The following NRXN3 variants were observed in gnomAD, a reference collection of about 807,000 sequenced individuals.
The protein encoded by NRXN3 is neurexin III.
A neutral mutation model predicts 137.6 loss-of-function variants in NRXN3; 32 were observed. The ratio of observed to expected loss-of-function variants is 0.23; its 90% CI spans 0.18 to 0.31. The LOEUF (loss-of-function observed/expected upper bound fraction) is 0.31. Among genes scored for constraint, NRXN3 ranks in the 10% least tolerant of loss-of-function variants. NRXN3 has a pLI of 1.00. For synonymous variants in NRXN3, 798 were observed against 784.5 expected (o/e 1.02, Z -0.29); for missense variants, 1,574 against 2,062.5 (o/e 0.76, Z 4.59).
rs568397351 is a variant in NRXN3 at position 79,757,474 on chromosome 14, T to C, written c.4015-47638T>C. On this transcript the variant is annotated intron_variant, in intron 19 of 20. Transcript: ENST00000335750. ...AGACCAAGCAAAATTAATGGTGATATTATATCTGGTGAAATTATTATAAAT... is the reference window on the plus strand; with the variant it reads ...AGACCAAGCAAAATTAATGGTGATACTATATCTGGTGAAATTATTATAAAT... 4.6e-5 allele frequency among the ~76,000 whole-genome samples: 7 copies of C among 152,294 alleles called. No homozygotes were observed. In the South Asian group the frequency reaches 8.3e-4, roughly 18 times the overall value.
At chr14:78,224,282 A>G (rs1596079715) in intron 1 of NRXN3, among the ~76,000 whole-genome samples, 1 of 149,260 alleles carries the variant, frequency 6.7e-6, no homozygotes, top group African/African-American at 2.5e-5. Flanking sequence ...GTTTTATTTT[A>G]TTATTATTAT....
intron 4 of NRXN3, among the ~76,000 whole-genome samples, chr14:78,532,270 A>G (rs1317173526): frequency 6.6e-6 from 1 of 151,822 alleles, no homozygotes; most frequent in Non-Finnish European, 1.5e-5. Flanking sequence ...CTGGTGAGCC[A>G]AGATCGCGCC....
chr14:79,622,797 C>T (rs974986639), intron 16 of NRXN3, among the ~76,000 whole-genome samples: 6 of 152,034 alleles, frequency 3.9e-5, no homozygotes, highest in African/African-American at 7.2e-5. Context: ...GGGGTTTCAC[C>T]GTGTTAGCCA....
intron 10 of NRXN3, among the ~76,000 whole-genome samples, chr14:78,954,672 A>T (rs1271342884): frequency 1.3e-5 from 2 of 151,240 alleles, no homozygotes; most frequent in Non-Finnish European, 2.9e-5. Flanking sequence ...TCACTGTGTT[A>T]GCCAGGATAG....
chr14:78,204,899 T>C (rs1012054223), intron 1 of NRXN3, among the ~76,000 whole-genome samples: 1 of 143,620 alleles, frequency 7.0e-6, no homozygotes, highest in African/African-American at 2.4e-5. Flanking sequence ...CCTTTTCACG[T>C]TCTTTGAGGT....
chr14:79,668,916 G>A (rs557242808), intron 17 of NRXN3, among the ~76,000 whole-genome samples: 22 of 151,964 alleles, frequency 1.4e-4, no homozygotes, highest in East Asian at 7.8e-4. Flanking sequence ...AGTATACATC[G>A]GTATAAGAAA....
intron 1 of NRXN3, among the ~76,000 whole-genome samples, chr14:78,229,820 C>T (rs2065143750): frequency 6.6e-6 from 1 of 152,068 alleles, no homozygotes; most frequent in South Asian, 2.1e-4. Context: ...TTATGTCTTC[C>T]TACAGGACAC....
At chr14:78,627,576 T>G (rs6574458) in intron 4 of NRXN3, among the ~76,000 whole-genome samples, 71,917 of 151,964 alleles carry the variant, frequency 0.47, 19,762 homozygotes, top group African/African-American at 0.76. Context: ...AGGCTTGGAG[T>G]AAGGACTCAA....
At chr14:78,456,835 T>TTCTC (rs1369561137) in intron 4 of NRXN3, among the ~76,000 whole-genome samples, 1 of 130,924 alleles carries the variant, frequency 7.6e-6, no homozygotes, top group African/African-American at 2.6e-5. Context: ...CTTTCTTTCT[T>TTCTC]TCTTTCTTTC....
intron 15 of NRXN3, chr14:79,280,160 A>G: frequency 2.0e-6 from 3 of 1,502,854 alleles, no homozygotes; most frequent in Admixed American, 4.5e-5. Context: ...GAAAGCGCAT[A>G]TTGCTTCCCT....
intron 4 of NRXN3, among the ~76,000 whole-genome samples, chr14:78,369,168 A>G (rs1054757162): frequency 1.3e-5 from 2 of 152,200 alleles, no homozygotes; most frequent in African/African-American, 4.8e-5. Flanking sequence ...TTTAAGCATC[A>G]GTCTTCATCT....
chr14:78,944,697 C>T (rs2099361827), intron 10 of NRXN3, among the ~76,000 whole-genome samples: 1 of 152,114 alleles, frequency 6.6e-6, no homozygotes, highest in Non-Finnish European at 1.5e-5. Flanking sequence ...AATGATTCTC[C>T]CCTGGAGCCT....
chr14:78,267,542 A>G (rs2071965817), intron 2 of NRXN3, among the ~76,000 whole-genome samples: 1 of 152,190 alleles, frequency 6.6e-6, no homozygotes, highest in Non-Finnish European at 1.5e-5. Flanking sequence ...AAAGATAAAA[A>G]AAAATGTTAG....
intron 6 of NRXN3, among the ~76,000 whole-genome samples, chr14:78,652,915 T>C (rs2097758074): frequency 6.6e-6 from 1 of 152,146 alleles, no homozygotes; most frequent in East Asian, 1.9e-4. Flanking sequence ...AGCATAGGAG[T>C]ACATGTGTTC....
chr14:79,772,239 T>A, intron 19 of NRXN3, among the ~76,000 whole-genome samples: 1 of 151,938 alleles, frequency 6.6e-6, no homozygotes, highest in Non-Finnish European at 1.5e-5. Context: ...CCCCATCAAG[T>A]TACCAATGAC....
At chr14:79,610,123 G>C (rs529425820) in intron 16 of NRXN3, among the ~76,000 whole-genome samples, 7 of 152,140 alleles carry the variant, frequency 4.6e-5, no homozygotes, top group African/African-American at 1.7e-4. Flanking sequence ...TGCACAAATA[G>C]TGTCACATAT....
At chr14:78,453,657 G>A (rs1300985534) in intron 4 of NRXN3, among the ~76,000 whole-genome samples, 1 of 152,202 alleles carries the variant, frequency 6.6e-6, no homozygotes, top group Non-Finnish European at 1.5e-5. Context: ...ACTTGTAAAT[G>A]TGACCTTATT....
intron 19 of NRXN3, among the ~76,000 whole-genome samples, chr14:79,755,542 T>C (rs1251138521): frequency 6.6e-6 from 1 of 152,004 alleles, no homozygotes. Flanking sequence ...ATTTTTTTTT[T>C]TTTTTGCTAG....
At chr14:79,817,873 G>T (rs1405905783) in intron 20 of NRXN3, among the ~76,000 whole-genome samples, 2 of 152,060 alleles carry the variant, frequency 1.3e-5, no homozygotes, top group Non-Finnish European at 2.9e-5. Context: ...AACAATCTTG[G>T]TTGATGGGGG....
Sources: allele counts gnomAD v4.1 joint callset (sites outside exome capture counted in the v4.1 genomes callset), GRCh38; gene constraint gnomAD v4.1.1; transcripts MANE v1.5; gene names NCBI Gene and HGNC (gene_info 2026-07-23, HGNC 2026-07-21).